MBOAT2: variants seen among roughly 807,000 people sequenced by gnomAD.
MBOAT2 encodes the protein membrane-bound glycerophospholipid O-acyltransferase 2.
MBOAT2 carries 28 observed loss-of-function variants against 63.4 expected under a neutral mutation model. The observed-to-expected ratio is 0.44, with a 90% CI of 0.33 to 0.61. The LOEUF is 0.61. Among genes scored for constraint, MBOAT2 ranks in the 20% least tolerant of loss-of-function variants. The probability of loss-of-function intolerance (pLI) is 0.03; values close to 1 mark genes in which losing one functional copy is unlikely to be tolerated. For missense variants in MBOAT2, 470 were observed against 605.8 expected (o/e 0.78, Z 2.35); for synonymous variants, 211 against 215.6 (o/e 0.98, Z 0.19).
intron 12 of MBOAT2, 21 bp downstream of exon 12, chr2:8,860,592 A>T: frequency 6.2e-7 from 1 of 1,604,402 alleles, no homozygotes; most frequent in Non-Finnish European, 8.5e-7. Flanking sequence ...CCACTGACAA[A>T]GTTTTAAGAG....
At chr2:9,002,928 C>G (rs536708617) in intron 1 of MBOAT2, among the ~76,000 whole-genome samples, 206 of 152,332 alleles carry the variant, frequency 1.4e-3, no homozygotes, top group African/African-American at 4.7e-3. Flanking sequence ...ACCTGTCTGC[C>G]TTCCCACAAA....
chr2:8,984,829 A>T (rs756013934), intron 1 of MBOAT2, among the ~76,000 whole-genome samples: 1 of 152,214 alleles, frequency 6.6e-6, no homozygotes, highest in Non-Finnish European at 1.5e-5. Flanking sequence ...AGGGAGCCAA[A>T]TAATATCAAT....
intron 9 of MBOAT2, among the ~76,000 whole-genome samples, chr2:8,867,479 C>G (rs758637957): frequency 1.4e-4 from 22 of 152,190 alleles, no homozygotes; most frequent in Non-Finnish European, 2.9e-4. Flanking sequence ...TCGGGTGCCT[C>G]TGCTGAGTGT....
At chr2:8,921,816 C>T (rs911565759) in intron 3 of MBOAT2, among the ~76,000 whole-genome samples, 3 of 152,158 alleles carry the variant, frequency 2.0e-5, no homozygotes, top group African/African-American at 7.2e-5. Context: ...ATGTTCTCCT[C>T]GTCTTTGTCT....
At chr2:8,968,708 T>C (rs1670202544) in intron 1 of MBOAT2, among the ~76,000 whole-genome samples, 1 of 152,116 alleles carries the variant, frequency 6.6e-6, no homozygotes, top group African/African-American at 2.4e-5. Flanking sequence ...CTGAAAACCA[T>C]GGCATAAGAA....
At chr2:8,908,341 G>A (rs948716759) in intron 4 of MBOAT2, 8 of 276,230 alleles carry the variant, frequency 2.9e-5, no homozygotes, top group African/African-American at 1.8e-4. Flanking sequence ...ACGCACTCTT[G>A]AGCGCCTTCT....
intron 2 of MBOAT2, among the ~76,000 whole-genome samples, chr2:8,954,159 G>A (rs984150122): frequency 2.6e-5 from 4 of 151,862 alleles, no homozygotes; most frequent in Non-Finnish European, 5.9e-5. Context: ...GAGAATGCTA[G>A]GTAGGGCTTT....
chr2:8,862,426 A>G lies in MBOAT2; in HGVS notation c.1185+164T>C. The G allele has an allele frequency of 2.3e-6, 3 of 1,312,628 alleles. No homozygotes were observed. Among genetic ancestry groups the G allele is most frequent in the African/African-American group, 1.5e-5 (1 of 67,974 alleles). 81.3% of individuals were successfully genotyped at this position (1,312,628 alleles called of 1,614,324 possible). ...TGGGCATGGAGCCTAGCCCGTGGTGAGCGCTCAGCAAACATGCACGCAGTA... is the reference window on the plus strand; with the variant it reads ...TGGGCATGGAGCCTAGCCCGTGGTGGGCGCTCAGCAAACATGCACGCAGTA... On this transcript the variant is annotated intron_variant, in intron 11 of 12. Transcript: ENST00000305997. The surrounding 1 kb of genome is among the most constrained non-coding windows in gnomAD (Gnocchi z 4.3).
At chr2:8,964,473 T>A (rs1669847586) in intron 1 of MBOAT2, among the ~76,000 whole-genome samples, 1 of 151,042 alleles carries the variant, frequency 6.6e-6, no homozygotes, top group Non-Finnish European at 1.5e-5. Flanking sequence ...ATTTACATAT[T>A]GCATTGCTTT....
intron 2 of MBOAT2, among the ~76,000 whole-genome samples, chr2:8,943,776 G>A (rs1573121506): frequency 6.6e-6 from 1 of 152,114 alleles, no homozygotes. Flanking sequence ...AATACATGAT[G>A]GCTCAAGTCA....
intron 9 of MBOAT2, 81 bp downstream of exon 9, chr2:8,868,365 T>G (rs1311996637): frequency 2.5e-6 from 3 of 1,177,062 alleles, no homozygotes; most frequent in Non-Finnish European, 3.7e-6. Context: ...ATACCACTCC[T>G]AGGACATCAC....
At position 8,905,011 on chromosome 2, in the gene MBOAT2, C is replaced by T. The variant is rs923768817; in HGVS notation, c.395+3610G>A. Reference sequence around the variant, plus strand: ...CAATTTACACATACACACACACACACGCGCGCAGTTTCTCCATACTCTTGT... The same window carrying T: ...CAATTTACACATACACACACACACATGCGCGCAGTTTCTCCATACTCTTGT... On this transcript the variant is annotated intron_variant, in intron 4 of 12. Transcript: ENST00000305997. Among the ~76,000 whole-genome samples, 26 of 152,234 alleles carry T rather than the reference C, an allele frequency of 1.7e-4. 1 individual carries two copies. Among genetic ancestry groups the T allele is most frequent in the Admixed American group, 2.6e-4 (4 of 15,286 alleles).
chr2:8,960,567 A>G (rs1309421535), intron 1 of MBOAT2, among the ~76,000 whole-genome samples: 2 of 152,228 alleles, frequency 1.3e-5, no homozygotes, highest in Non-Finnish European at 2.9e-5. Flanking sequence ...GCTGATCTCC[A>G]CAACCATAGG....
chr2:8,986,420 G>C (rs575761055), intron 1 of MBOAT2, among the ~76,000 whole-genome samples: 2 of 151,806 alleles, frequency 1.3e-5, no homozygotes, highest in Non-Finnish European at 2.9e-5. Context: ...AAAATTAGCC[G>C]TGCCTGGTGG....
rs1665484127 is a variant in MBOAT2 at position 8,908,414 on chromosome 2, G to A, written c.395+207C>T. ...AACCAAAGGAAGTTCCATTAGGCAG[G>A]AAGAAGCAGAACAAGGCTCTTACTG... On this transcript the variant is annotated intron_variant, in intron 4 of 12. Coordinates refer to ENST00000305997, the MANE Select transcript of MBOAT2 (RefSeq NM_138799.4). The A allele has an allele frequency of 9.4e-6, 4 of 426,158 alleles. No homozygotes were observed. The South Asian group carries it at 2.1e-4, about 23-fold the overall frequency. The allele number at this position is 426,158 out of a possible 1,614,324, so 26.4% of individuals were successfully genotyped here. A position where few individuals can be genotyped will look rare whatever the true frequency, so the allele number is the denominator to read the frequency against.
intron 5 of MBOAT2, among the ~76,000 whole-genome samples, chr2:8,884,950 G>C (rs1316824325): frequency 6.6e-6 from 1 of 152,200 alleles, no homozygotes; most frequent in Non-Finnish European, 1.5e-5. Context: ...AGGCAGTGCA[G>C]CAAACAATGG....
At chr2:8,986,401 A>C (rs1284575984) in intron 1 of MBOAT2, among the ~76,000 whole-genome samples, 1 of 151,800 alleles carries the variant, frequency 6.6e-6, no homozygotes, top group East Asian at 1.9e-4. Flanking sequence ...CCCTCTCTCC[A>C]AAAAATACAA....
chr2:8,976,823 T>C (rs1223730042), intron 1 of MBOAT2, among the ~76,000 whole-genome samples: 4 of 152,130 alleles, frequency 2.6e-5, no homozygotes, highest in Admixed American at 6.6e-5. Flanking sequence ...TCTGGTATAG[T>C]CATACAATAG....
intron 6 of MBOAT2, among the ~76,000 whole-genome samples, chr2:8,880,509 G>A (rs772830603): frequency 4.6e-5 from 7 of 152,240 alleles, no homozygotes; most frequent in Non-Finnish European, 1.0e-4. Context: ...ACCTTGAAAT[G>A]GCAGTTGGAT....
Sources: allele counts gnomAD v4.1 joint callset (sites outside exome capture counted in the v4.1 genomes callset), GRCh38; gene constraint gnomAD v4.1.1; non-coding constraint Gnocchi (gnomAD v3.1); transcripts MANE v1.5; gene names NCBI Gene and HGNC (gene_info 2026-07-23, HGNC 2026-07-21).